Variants in LRBA observed in about 807,000 individuals in gnomAD.
The protein encoded by LRBA is lipopolysaccharide-responsive and beige-like anchor protein.
Under a neutral mutation model 330.0 loss-of-function variants are expected in LRBA, and 176 were observed. That is an observed-to-expected ratio of 0.53 (90% CI 0.47 to 0.60). The LOEUF (loss-of-function observed/expected upper bound fraction) is 0.60. Ranked by LOEUF, LRBA falls within the 20% of genes least tolerant of loss-of-function variation. LRBA has a pLI of 0.00. For synonymous variants in LRBA, 1,230 were observed against 1,193.0 expected, an observed-to-expected ratio of 1.03 and a Z score of -0.64; for missense variants, 3,259 against 3,444.8, an observed-to-expected ratio of 0.95 and a Z score of 1.35.
At chr4:150,549,248 T>C (rs1313994844) in intron 40 of LRBA, among the ~76,000 whole-genome samples, 1 of 152,042 alleles carries the variant, frequency 6.6e-6, no homozygotes, top group African/African-American at 2.4e-5. Flanking sequence ...TAGTTCGTAC[T>C]GATTTCTATT....
chr4:150,843,471 A>G (rs939306208), intron 28 of LRBA, among the ~76,000 whole-genome samples: 6 of 152,192 alleles, frequency 3.9e-5, no homozygotes, highest in African/African-American at 1.2e-4. Context: ...TAAATTGTCT[A>G]CATAAGAATT....
At chr4:150,581,312 C>T in intron 40 of LRBA, 1 of 442,952 alleles carries the variant, frequency 2.3e-6, no homozygotes, top group Non-Finnish European at 4.5e-6. Context: ...ATTTATAAAC[C>T]CTCACCTTAT....
intron 2 of LRBA, among the ~76,000 whole-genome samples, chr4:150,934,927 G>C (rs1235173517): frequency 6.6e-6 from 1 of 151,732 alleles, no homozygotes. Context: ...AGAATCGCTT[G>C]AACCTGGGAG....
At chr4:150,489,060 TATATA>T (rs1366112102) in intron 41 of LRBA, among the ~76,000 whole-genome samples, 23 of 71,482 alleles carry the variant, frequency 3.2e-4, no homozygotes, top group Middle Eastern at 0.011. Flanking sequence ...TATATAAGAA[TATATA>T]ATATATTATA....
rs1402873492 is a variant in LRBA at position 150,484,607 on chromosome 4, AT to A, written c.6551+3124del. Among the ~76,000 whole-genome samples, 7 of 151,350 alleles carry A rather than the reference AT, an allele frequency of 4.6e-5. No individual in the cohort carries two copies. In the East Asian group the frequency reaches 1.2e-3, roughly 25 times the overall value. The stretch of plus-strand genomic sequence containing the variant: ...CAAGAGACAGCTTTTCATTACACTG[AT>A]TTTTTTCTCTATCATTTATTTTTAT... On this transcript the variant is annotated intron_variant, in intron 42 of 56. Transcript: ENST00000651943.
chr4:150,749,307 C>T (rs1383487027), intron 35 of LRBA, among the ~76,000 whole-genome samples: 1 of 152,122 alleles, frequency 6.6e-6, no homozygotes, highest in Non-Finnish European at 1.5e-5. Flanking sequence ...AACTGGCTCA[C>T]ACCTGTAATC....
chr4:150,545,135 AC>A (rs1452015183), intron 40 of LRBA, among the ~76,000 whole-genome samples: 1 of 152,196 alleles, frequency 6.6e-6, no homozygotes, highest in African/African-American at 2.4e-5. Context: ...GCCTTTAAAA[AC>A]GATGAAGCAT....
chr4:150,828,922 G>GTGTGTGTGTGTGTGTGTGT (rs1560878315), intron 29 of LRBA, among the ~76,000 whole-genome samples: 4 of 106,176 alleles, frequency 3.8e-5, no homozygotes, highest in East Asian at 2.7e-4. Context: ...CTTTTTTGGG[G>GTGTGTGTGTGTGTGTGTGT]GTGTGTGTGT....
At chr4:150,457,255 C>T (rs1042992454) in intron 44 of LRBA, among the ~76,000 whole-genome samples, 3 of 151,988 alleles carry the variant, frequency 2.0e-5, no homozygotes, top group African/African-American at 7.2e-5. Flanking sequence ...AAAAATTAAG[C>T]TACTGAAAAA....
intron 47 of LRBA, among the ~76,000 whole-genome samples, chr4:150,403,618 A>T (rs1247643712): frequency 6.6e-6 from 1 of 151,736 alleles, no homozygotes; most frequent in African/African-American, 2.4e-5. Context: ...TTGGACAAGC[A>T]CTAAGTTACC....
chr4:150,623,730 GA>G (rs536517149), intron 37 of LRBA, among the ~76,000 whole-genome samples: 3 of 149,976 alleles, frequency 2.0e-5, no homozygotes, highest in East Asian at 1.9e-4. Flanking sequence ...ACTTGAAAAA[GA>G]AAAAAAAATC....
chr4:150,796,890 AATT>A (rs1740867550), intron 34 of LRBA, among the ~76,000 whole-genome samples: 1 of 151,936 alleles, frequency 6.6e-6, no homozygotes, highest in African/African-American at 2.4e-5. Flanking sequence ...AGAAAGAAAC[AATT>A]ATTTCTAATC....
chr4:150,458,370 C>T (rs1178067578), intron 44 of LRBA, among the ~76,000 whole-genome samples: 11 of 151,758 alleles, frequency 7.2e-5, no homozygotes, highest in Non-Finnish European at 2.9e-5. Context: ...AAGAGTTGCA[C>T]AGACACATTT....
intron 47 of LRBA, among the ~76,000 whole-genome samples, chr4:150,383,889 G>C (rs1001546290): frequency 6.6e-6 from 1 of 152,112 alleles, no homozygotes; most frequent in African/African-American, 2.4e-5. Flanking sequence ...CCTCCAGGTG[G>C]TGAAAAAGGG....
At chr4:150,802,189 C>T (rs1478240419) in intron 33 of LRBA, among the ~76,000 whole-genome samples, 5 of 141,432 alleles carry the variant, frequency 3.5e-5, no homozygotes, top group African/African-American at 1.0e-4. Context: ...CATTGCACTC[C>T]AGTCTGGGTG....
intron 37 of LRBA, among the ~76,000 whole-genome samples, chr4:150,650,821 TA>T (rs1212083504): frequency 6.6e-6 from 1 of 152,080 alleles, no homozygotes; most frequent in Non-Finnish European, 1.5e-5. Context: ...CTATTTACAA[TA>T]AATAAAACTA....
intron 37 of LRBA, among the ~76,000 whole-genome samples, chr4:150,620,323 G>A (rs1275858935): frequency 6.6e-6 from 1 of 152,176 alleles, no homozygotes; most frequent in Non-Finnish European, 1.5e-5. Flanking sequence ...TGGCATGGAT[G>A]TGGTGAAAAG....
At chr4:150,599,216 T>C (rs1773852055) in intron 37 of LRBA, 85 bp from the exon 38 acceptor site, 2 of 1,457,964 alleles carry the variant, frequency 1.4e-6, no homozygotes, top group South Asian at 1.3e-5. Flanking sequence ...CTCTCCTTGT[T>C]TGCTCTGCCT....
chr4:150,775,465 AC>A (rs1737155419), intron 34 of LRBA, among the ~76,000 whole-genome samples: 1 of 97,908 alleles, frequency 1.0e-5, no homozygotes, highest in African/African-American at 4.9e-5. Flanking sequence ...ACACACACAC[AC>A]ACACACACAC....
Sources: gnomAD v4.1 joint callset for allele counts (sites outside exome capture counted in the v4.1 genomes callset) on GRCh38, gnomAD v4.1.1 for gene constraint, MANE v1.5 for transcripts, NCBI Gene and HGNC (gene_info 2026-07-23, HGNC 2026-07-21) for gene names.